LRRK2: variants seen among roughly 807,000 people sequenced by gnomAD.
The protein encoded by LRRK2 is leucine-rich repeat serine/threonine-protein kinase 2.
In LRRK2, 203 loss-of-function variants were observed where a neutral mutation model predicts 302.6. The observed-to-expected ratio is 0.67, with a 90% confidence interval of 0.60 to 0.75. LRRK2 has a LOEUF of 0.75. Ranked by LOEUF, LRRK2 falls within the 30% of genes least tolerant of loss-of-function variation. The pLI is 0.00. For synonymous variants in LRRK2, 1,066 were observed against 1,031.9 expected, an observed-to-expected ratio of 1.03 and a Z score of -0.63; for missense variants, 2,830 against 2,951.0, an observed-to-expected ratio of 0.96 and a Z score of 0.95.
intron 39 of LRRK2, among the ~76,000 whole-genome samples, 200 bp from the exon 40 acceptor site, chr12:40,334,767 C>G (rs1018553966): frequency 1.3e-5 from 2 of 151,870 alleles, no homozygotes; most frequent in African/African-American, 4.8e-5. Context: ...CCATGTTGTC[C>G]ATAGGTCAAC....
At position 40,298,440 on chromosome 12, in the gene LRRK2, A is replaced by G; in HGVS notation, c.3294A>G (p.Val1098=). The G allele has an allele frequency of 6.2e-7, 1 of 1,613,954 alleles. No homozygotes were observed. The highest frequency in any genetic ancestry group is 1.1e-5 in the South Asian group (1 of 91,080). The change falls in exon 24 of 51, where the codon GTA becomes GTG. Residue 1098 remains valine, a synonymous_variant. Transcript: ENST00000298910. ...TGTCATATAACCAGCTGTCTTTTGT[A>G]CCTGAGAACCTCACTGATGTGGTAG... ...FNLSYNQLSF[V]PENLTDVVEK... is the part of the protein sequence containing the mutation.
At chr12:40,331,438 G>A (rs1313711782) in intron 39 of LRRK2, among the ~76,000 whole-genome samples, 2 of 152,164 alleles carry the variant, frequency 1.3e-5, no homozygotes, top group African/African-American at 4.8e-5. Flanking sequence ...CCTCTGCTTA[G>A]TGCTGCATTA....
chr12:40,351,986 A>T (rs1420382774), intron 44 of LRRK2, among the ~76,000 whole-genome samples: 1 of 152,148 alleles, frequency 6.6e-6, no homozygotes, highest in Admixed American at 6.6e-5. Flanking sequence ...TCTTAGAGAG[A>T]AGTAGAGGAA....
intron 7 of LRRK2, among the ~76,000 whole-genome samples, chr12:40,247,281 C>T (rs1942025620): frequency 6.6e-6 from 1 of 151,748 alleles, no homozygotes; most frequent in Non-Finnish European, 1.5e-5. Context: ...ACATGCACAA[C>T]TTTAGTTTGT....
At chr12:40,330,853 G>C (rs1052438105) in intron 39 of LRRK2, among the ~76,000 whole-genome samples, 3 of 152,082 alleles carry the variant, frequency 2.0e-5, no homozygotes, top group Non-Finnish European at 4.4e-5. Flanking sequence ...TTACTTGACT[G>C]TCTCTTACAG....
rs201717503 is a variant in LRRK2 at position 40,304,142 on chromosome 12, G to A, written c.3777+8G>A. The A allele has an allele frequency of 2.6e-5, 42 of 1,610,256 alleles. No individual in the cohort carries two copies. The highest frequency in any genetic ancestry group is 1.6e-4 in the Middle Eastern group (1 of 6,064). ...CACAATAAACTGAAAGAGGTAAGAC[G>A]ATTATTGCCACTTAAAAAATATACT... On this transcript the variant is annotated splice_region_variant and intron_variant, in intron 27 of 50. Transcript: ENST00000298910.
chr12:40,353,537 C>T (rs868716262), intron 44 of LRRK2, among the ~76,000 whole-genome samples: 22 of 140,484 alleles, frequency 1.6e-4, no homozygotes, highest in Admixed American at 2.1e-4. Context: ...ACATCCCAGA[C>T]GATGGGCGGC....
chr12:40,313,163 A>G (rs752730884), intron 31 of LRRK2, among the ~76,000 whole-genome samples: 3 of 152,080 alleles, frequency 2.0e-5, no homozygotes, highest in Non-Finnish European at 2.9e-5. Context: ...AGGTCCAGAA[A>G]TAGGGAGAGT....
intron 45 of LRRK2, among the ~76,000 whole-genome samples, chr12:40,355,413 T>C (rs952235190): frequency 2.0e-5 from 3 of 152,032 alleles, no homozygotes; most frequent in Non-Finnish European, 2.9e-5. Context: ...CAGTTGTCAA[T>C]GTGATTAGGC....
chr12:40,358,387 T>C (rs1048402821), intron 46 of LRRK2, among the ~76,000 whole-genome samples: 1 of 152,204 alleles, frequency 6.6e-6, no homozygotes, highest in African/African-American at 2.4e-5. Context: ...CTTTAATCCA[T>C]CTTGAGTTGA....
intron 45 of LRRK2, among the ~76,000 whole-genome samples, chr12:40,355,245 A>G (rs916504151): frequency 6.6e-6 from 1 of 152,172 alleles, no homozygotes; most frequent in African/African-American, 2.4e-5. Flanking sequence ...ATTTCAATGG[A>G]TGGAATTGGG....
At chr12:40,344,748 T>A (rs1210869633) in intron 41 of LRRK2, among the ~76,000 whole-genome samples, 2 of 152,156 alleles carry the variant, frequency 1.3e-5, no homozygotes, top group African/African-American at 4.8e-5. Flanking sequence ...ATTTTGAGAA[T>A]TATATTATGG....
At chr12:40,288,867 A>G (rs1055697981) in intron 20 of LRRK2, among the ~76,000 whole-genome samples, 1 of 151,718 alleles carries the variant, frequency 6.6e-6, no homozygotes, top group Non-Finnish European at 1.5e-5. Context: ...TTGTCTTTTC[A>G]TTTTACTAAT....
rs1943387534 is a variant in LRRK2, at chr12:40,274,991, A to G, written c.1939A>G (p.Lys647Glu). ...RFKDVAEIQT[K>E]GFQTILAILK... is the part of the protein sequence containing the mutation. ...TAAGGATGTTGCTGAAATACAGACT[A>G]AAGTATGTGCATTATCTTGGAAAGA... The change falls in exon 16 of 51, where the codon AAA becomes GAA. Residue 647 changes from lysine (K) to glutamate (E), a missense_variant and splice_region_variant. Physicochemically the swap from Lys to Glu is moderately conservative, Grantham distance 56. This residue lies in a region of LRRK2 where 2,121 missense variants were observed against 2,148.0 expected (regional missense o/e 0.99). Coordinates refer to ENST00000298910, the MANE Select transcript of LRRK2 (RefSeq NM_198578.4). The G allele has an allele frequency of 1.2e-6, 2 of 1,613,770 alleles. No homozygotes were observed. Among genetic ancestry groups the G allele is most frequent in the South Asian group, 1.1e-5 (1 of 91,074 alleles).
At position 40,225,069 on chromosome 12, in the gene LRRK2, G is replaced by A. The variant is rs1940795260; in HGVS notation, c.-63G>A. The A allele has an allele frequency of 1.2e-6, 2 of 1,606,650 alleles. No individual in the cohort carries two copies. The highest frequency in any genetic ancestry group is 1.3e-5 in the African/African-American group (1 of 74,874). Reference sequence around the variant, plus strand: ...CCGGGGAGCTGTGGCCGGCGCCCCTGCCGGTTCCCTGAGCAGCGGACGTTC... The same window carrying A: ...CCGGGGAGCTGTGGCCGGCGCCCCTACCGGTTCCCTGAGCAGCGGACGTTC... On this transcript the variant is annotated 5_prime_UTR_variant, in exon 1 of 51. Transcript: ENST00000298910.
intron 14 of LRRK2, among the ~76,000 whole-genome samples, chr12:40,265,227 G>C (rs1170652092): frequency 6.6e-6 from 1 of 152,126 alleles, no homozygotes; most frequent in African/African-American, 2.4e-5. Context: ...TATATGGAAG[G>C]AAGGGGTTAG....
intron 10 of LRRK2, 57 bp downstream of exon 10, chr12:40,251,601 C>A: frequency 1.5e-6 from 2 of 1,336,690 alleles, no homozygotes; most frequent in Non-Finnish European, 2.1e-6. Flanking sequence ...AAATCAATAC[C>A]TATAAAATAC....
intron 45 of LRRK2, among the ~76,000 whole-genome samples, chr12:40,354,862 A>G (rs11176165): frequency 4.6e-5 from 7 of 151,680 alleles, no homozygotes; most frequent in African/African-American, 1.5e-4. Context: ...ATATATATAT[A>G]TGAAACCCAT....
chr12:40,234,882 T>C (rs1004255402), intron 3 of LRRK2, among the ~76,000 whole-genome samples: 2 of 152,216 alleles, frequency 1.3e-5, no homozygotes, highest in Non-Finnish European at 2.9e-5. Flanking sequence ...TAAGGCTTCA[T>C]GATATTTTGA....
Sources: allele counts gnomAD v4.1 joint callset (sites outside exome capture counted in the v4.1 genomes callset), GRCh38; gene constraint gnomAD v4.1.1; regional missense constraint gnomAD v4.1.1; transcripts MANE v1.5; gene names NCBI Gene and HGNC (gene_info 2026-07-23, HGNC 2026-07-21).